CACNA2D2: variants seen among roughly 807,000 people sequenced by gnomAD.
CACNA2D2 encodes voltage-dependent calcium channel subunit alpha-2/delta-2.
CACNA2D2 carries 48 observed loss-of-function variants against 166.4 expected under a neutral mutation model. That is an observed-to-expected ratio of 0.29 (90% CI 0.23 to 0.37). CACNA2D2 has a LOEUF of 0.37. Ranked by LOEUF, CACNA2D2 falls within the 10% of genes least tolerant of loss-of-function variation. CACNA2D2 has a pLI of 1.00. For missense variants in CACNA2D2, 1,122 were observed against 1,433.0 expected (o/e 0.78, Z 3.50); for synonymous variants, 561 against 573.7 (o/e 0.98, Z 0.32).
chr3:50,461,146 G>C (rs1484485521), intron 2 of CACNA2D2, among the ~76,000 whole-genome samples: 1 of 152,180 alleles, frequency 6.6e-6, no homozygotes, highest in Non-Finnish European at 1.5e-5. Flanking sequence ...GCCGCACAAA[G>C]ATAGGTCAGT....
rs182681941 is a variant in CACNA2D2, at chr3:50,460,434, T to C, written c.288+15684A>G. 5.7e-3 allele frequency among the ~76,000 whole-genome samples: 873 copies of C among 152,274 alleles called. 5 individuals are homozygous for C. The highest frequency in any genetic ancestry group is 0.02 in the African/African-American group (816 of 41,514). ...CTAAAATTATTCTTTTTTTGTTTTT[T>C]TGTTTTACCTGTAAATCCAAAATTA... On this transcript the variant is annotated intron_variant, in intron 2 of 37. Transcript: ENST00000424201.
chr3:50,479,061 C>A (rs556207683), intron 1 of CACNA2D2, among the ~76,000 whole-genome samples: 222 of 152,312 alleles, frequency 1.5e-3, no homozygotes, highest in Non-Finnish European at 2.5e-3. Flanking sequence ...TTATAATCAT[C>A]ATCATTTCAT....
At chr3:50,478,777 C>T (rs994064120) in intron 1 of CACNA2D2, among the ~76,000 whole-genome samples, 1 of 152,230 alleles carries the variant, frequency 6.6e-6, no homozygotes, top group Non-Finnish European at 1.5e-5. Context: ...CTCTTTCCAA[C>T]TCTGCATTTG....
chr3:50,448,555 A>T (rs62260817), intron 2 of CACNA2D2, among the ~76,000 whole-genome samples: 1 of 152,052 alleles, frequency 6.6e-6, no homozygotes, highest in Non-Finnish European at 1.5e-5. Context: ...GTCGATGCAC[A>T]TATGTATCCT....
intron 1 of CACNA2D2, among the ~76,000 whole-genome samples, chr3:50,486,740 G>A (rs1196631674): frequency 6.6e-6 from 1 of 152,164 alleles, no homozygotes; most frequent in Non-Finnish European, 1.5e-5. Flanking sequence ...CCTCATCTTA[G>A]GCTGGGGCTG....
chr3:50,438,857 A>G (rs1211760397), intron 2 of CACNA2D2, among the ~76,000 whole-genome samples: 3 of 152,190 alleles, frequency 2.0e-5, no homozygotes, highest in Admixed American at 6.5e-5. Flanking sequence ...AGTGGGGAAA[A>G]GCAAGGAGGA....
chr3:50,478,322 T>C (rs148688601), intron 1 of CACNA2D2, among the ~76,000 whole-genome samples: 1 of 152,318 alleles, frequency 6.6e-6, no homozygotes, highest in Non-Finnish European at 1.5e-5. Context: ...ACATAGCGGA[T>C]GGCTCCTTTG....
intron 23 of CACNA2D2, among the ~76,000 whole-genome samples, chr3:50,369,244 C>T (rs138445209): frequency 4.3e-4 from 65 of 152,374 alleles, no homozygotes; most frequent in Middle Eastern, 3.4e-3. Context: ...ACAGTATGCA[C>T]GTGCACATTT....
chr3:50,449,263 G>A (rs768421128), intron 2 of CACNA2D2, among the ~76,000 whole-genome samples: 4 of 152,194 alleles, frequency 2.6e-5, no homozygotes, highest in Non-Finnish European at 5.9e-5. Flanking sequence ...CCTGGACCTA[G>A]GACCTCACCA....
At chr3:50,474,320 G>A (rs921069256) in intron 2 of CACNA2D2, among the ~76,000 whole-genome samples, 2 of 152,310 alleles carry the variant, frequency 1.3e-5, no homozygotes, top group East Asian at 1.9e-4. Flanking sequence ...CCAAAAAAGG[G>A]GCGTATCTGT....
chr3:50,460,662 G>C lies in CACNA2D2; in HGVS notation c.288+15456C>G, dbSNP rs1021107276. The stretch of plus-strand genomic sequence containing the variant: ...AAGGTCAGGAGATCGAGACCATCCT[G>C]GCTAACATGGTGAAACCCCGTCTCT... On this transcript the variant is annotated intron_variant, in intron 2 of 37. Transcript: ENST00000424201. Among the ~76,000 whole-genome samples the C allele has an allele frequency of 3.9e-5, 6 of 152,090 alleles. No individual in the cohort carries two copies. In the East Asian group the frequency reaches 7.7e-4, roughly 20 times the overall value.
intron 22 of CACNA2D2, among the ~76,000 whole-genome samples, chr3:50,372,814 A>C (rs587712546): frequency 1.3e-5 from 2 of 152,140 alleles, no homozygotes; most frequent in East Asian, 3.9e-4. Flanking sequence ...GAGGGGTCCA[A>C]GGAAAGGGTT....
chr3:50,389,372 A>G (rs369557244), intron 4 of CACNA2D2, among the ~76,000 whole-genome samples: 1 of 152,212 alleles, frequency 6.6e-6, no homozygotes, highest in South Asian at 2.1e-4. Context: ...GTGATTTGTT[A>G]TCTAAAAGGG....
At chr3:50,395,894 G>C (rs1302829099) in intron 3 of CACNA2D2, among the ~76,000 whole-genome samples, 34 of 152,102 alleles carry the variant, frequency 2.2e-4, no homozygotes, top group Admixed American at 2.2e-3. Context: ...GGAGCAGGGG[G>C]AGAAAGTGTC....
At chr3:50,435,134 GGTGT>G (rs58208345) in intron 2 of CACNA2D2, among the ~76,000 whole-genome samples, 2 of 149,692 alleles carry the variant, frequency 1.3e-5, no homozygotes, top group South Asian at 2.1e-4. Context: ...TAAATCTGAG[GGTGT>G]GTGTGTGTGT....
At position 50,490,190 on chromosome 3, in the gene CACNA2D2, T is replaced by C. The variant is rs563967186; in HGVS notation, c.206+13028A>G. ...GCCAGGTGATCTCCCTGGGACAAGCTGCAGATTTTGGCAACTGGCTGCATG... is the reference window on the plus strand; with the variant it reads ...GCCAGGTGATCTCCCTGGGACAAGCCGCAGATTTTGGCAACTGGCTGCATG... On this transcript the variant is annotated intron_variant, in intron 1 of 37. Coordinates refer to ENST00000424201, the MANE Select transcript of CACNA2D2 (RefSeq NM_006030.4). Among the ~76,000 whole-genome samples, 7 of 152,284 alleles carry C rather than the reference T, an allele frequency of 4.6e-5. No individual in the cohort carries two copies. The South Asian group carries it at 1.4e-3, about 32-fold the overall frequency.
chr3:50,413,081 G>A (rs1311329846), intron 3 of CACNA2D2, among the ~76,000 whole-genome samples: 1 of 152,246 alleles, frequency 6.6e-6, no homozygotes, highest in Admixed American at 6.5e-5. Context: ...TAGGGCCCCA[G>A]GGGATCAGTG....
chr3:50,378,400 G>A, intron 13 of CACNA2D2, 67 bp from the exon 14 acceptor site: 1 of 1,477,854 alleles, frequency 6.8e-7, no homozygotes, highest in African/African-American at 1.4e-5. Flanking sequence ...AGAGGGCCCT[G>A]CCCCTGGGGT....
chr3:50,388,982 C>G (rs1575615098), intron 4 of CACNA2D2, among the ~76,000 whole-genome samples: 1 of 152,268 alleles, frequency 6.6e-6, no homozygotes, highest in South Asian at 2.1e-4. Flanking sequence ...GGGCGCCTGC[C>G]GTGTCTGGCG....
Sources: allele counts gnomAD v4.1 joint callset (sites outside exome capture counted in the v4.1 genomes callset), GRCh38; gene constraint gnomAD v4.1.1; transcripts MANE v1.5; gene names NCBI Gene and HGNC (gene_info 2026-07-23, HGNC 2026-07-21).